Variants in HDAC4 observed in about 807,000 individuals in gnomAD.
The protein encoded by HDAC4 is histone deacetylase 4, also known as histone deacetylase A.
Under a neutral mutation model 135.1 loss-of-function variants are expected in HDAC4, and 16 were observed. The ratio of observed to expected loss-of-function variants is 0.12; its 90% CI spans 0.08 to 0.18. The LOEUF is 0.18. HDAC4 is among the 10% of genes least tolerant of loss of function. The pLI is 1.00. For synonymous variants in HDAC4, 685 were observed against 653.4 expected (o/e 1.05, Z -0.74); for missense variants, 1,143 against 1,511.8 (o/e 0.76, Z 4.05).
At position 239,111,644 on chromosome 2, in the gene HDAC4, G is replaced by C. The variant is rs745970857; in HGVS notation, c.1860C>G (p.Ala620=). Residue 620 remains alanine (A), a synonymous_variant, in exon 14 of 27, where the codon GCC becomes GCG. Coordinates refer to ENST00000543185, the MANE Select transcript of HDAC4 (RefSeq NM_001378414.1). ...LRNYQASMEA[A]GIPVSFGGHR... is the part of the protein sequence containing the mutation. ...GGCCGCCGAAGGACACGGGGATGCC[G>C]GCGGCCTCCATGGACGCCTGGTAGT... is the stretch of plus-strand genomic sequence containing the variant. The C allele has an allele frequency of 6.2e-7, 1 of 1,607,792 alleles. No individual in the cohort carries two copies. Among genetic ancestry groups the C allele is most frequent in the Non-Finnish European group, 8.5e-7 (1 of 1,177,890 alleles).
Position 239,236,626 on chromosome 2 carries a change from T to C in HDAC4, c.61A>G (p.Asn21Asp). The C allele has an allele frequency of 6.4e-7, 1 of 1,551,770 alleles. No individual in the cohort carries two copies. Residue 21 changes from asparagine (N) to aspartate (D), a missense_variant, in exon 3 of 27, where the codon AAT becomes GAT. Asn to Asp is a conservative substitution (Grantham distance 23). Around this residue, in one of 9 missense-constraint regions of HDAC4, gnomAD observed 247 missense variants for 310.0 expected, o/e 0.80. Coordinates refer to ENST00000543185, the MANE Select transcript of HDAC4 (RefSeq NM_001378414.1). The part of the protein sequence containing the change: ...SGRDQPVELL[N>D]PARVNHMPST... ...GGCATGTGGTTCACGCGGGCAGGAT[T>C]CAGCAGCTCCACTGGCTGGTCTCGG...
At chr2:239,191,060 C>A in intron 3 of HDAC4, 1 of 455,884 alleles carries the variant, frequency 2.2e-6, no homozygotes. Context: ...GAAAACTTCA[C>A]TGAGAGTCCA....
chr2:239,147,643 A>G (rs2041852416), intron 7 of HDAC4, among the ~76,000 whole-genome samples: 1 of 152,250 alleles, frequency 6.6e-6, no homozygotes, highest in Non-Finnish European at 1.5e-5. Flanking sequence ...GACAGAACCA[A>G]AGCATCAGGC....
At chr2:239,089,781 G>T in intron 18 of HDAC4, 43 of 470,714 alleles carry the variant, frequency 9.1e-5, no homozygotes, top group Non-Finnish European at 1.2e-4. Flanking sequence ...GGGTTCTTAA[G>T]ACCCAAATCA....
intron 2 of HDAC4, among the ~76,000 whole-genome samples, chr2:239,346,926 C>T (rs1692740599): frequency 6.6e-6 from 1 of 151,218 alleles, no homozygotes; most frequent in Non-Finnish European, 1.5e-5. Flanking sequence ...GTCTAAAACA[C>T]ACACACACCC....
chr2:239,134,694 A>G, intron 9 of HDAC4, 51 bp from the exon 10 acceptor site: 1 of 1,333,638 alleles, frequency 7.5e-7, no homozygotes, highest in Non-Finnish European at 1.1e-6. Context: ...GCCAAACATC[A>G]GCAATATACA....
At chr2:239,082,072 C>A (rs377524427) in intron 21 of HDAC4, 30 bp downstream of exon 21, 28 of 1,612,750 alleles carry the variant, frequency 1.7e-5, no homozygotes, top group Admixed American at 6.7e-5. Flanking sequence ...TCCCCCTTTC[C>A]CCCCAGAGGC....
intron 2 of HDAC4, among the ~76,000 whole-genome samples, chr2:239,265,654 G>C (rs2049677506): frequency 6.6e-6 from 1 of 152,208 alleles, no homozygotes; most frequent in Admixed American, 6.5e-5. Flanking sequence ...TGCTCACCAG[G>C]CCACAGCGCC....
chr2:239,212,988 C>T (rs950244443), intron 3 of HDAC4, among the ~76,000 whole-genome samples: 1 of 152,222 alleles, frequency 6.6e-6, no homozygotes, highest in East Asian at 1.9e-4. Flanking sequence ...AGCCTCTGTA[C>T]CCACGTGGGT....
intron 2 of HDAC4, among the ~76,000 whole-genome samples, chr2:239,270,488 T>C (rs567224698): frequency 5.3e-5 from 8 of 152,140 alleles, no homozygotes; most frequent in East Asian, 1.9e-4. Flanking sequence ...AATGAGGCGA[T>C]AGAGAAAAAG....
intron 2 of HDAC4, among the ~76,000 whole-genome samples, chr2:239,271,133 G>C (rs1305744101): frequency 6.6e-6 from 1 of 152,110 alleles, no homozygotes; most frequent in Non-Finnish European, 1.5e-5. Flanking sequence ...TGTTTTTTGA[G>C]ACAGGGTCTT....
chr2:239,173,489 G>C (rs78680614), intron 5 of HDAC4, among the ~76,000 whole-genome samples: 1 of 152,100 alleles, frequency 6.6e-6, no homozygotes, highest in Non-Finnish European at 1.5e-5. Context: ...AACAAGGAAT[G>C]GAAGGGAAAC....
intron 24 of HDAC4, among the ~76,000 whole-genome samples, chr2:239,058,774 C>T (rs988460334): frequency 2.6e-5 from 4 of 152,222 alleles, no homozygotes; most frequent in African/African-American, 4.8e-5. Flanking sequence ...GTCCCACCAT[C>T]GTGGGAGACT....
At chr2:239,338,469 CT>C (rs1344860538) in intron 2 of HDAC4, among the ~76,000 whole-genome samples, 1 of 152,168 alleles carries the variant, frequency 6.6e-6, no homozygotes, top group East Asian at 1.9e-4. Flanking sequence ...GTCCAACCCC[CT>C]AGTGCAAACA....
At chr2:239,340,943 C>T (rs1439542883) in intron 2 of HDAC4, among the ~76,000 whole-genome samples, 6 of 152,190 alleles carry the variant, frequency 3.9e-5, no homozygotes, top group Admixed American at 1.3e-4. Flanking sequence ...GCAGCACCCA[C>T]TAAACATCTC....
In HDAC4 at chr2:239,064,570, A is replaced by C. The variant is rs149518514; in HGVS notation, c.3003+2152T>G. 1.7e-3 allele frequency among the ~76,000 whole-genome samples: 265 copies of C among 152,306 alleles called. 2 individuals carry two copies. The highest frequency in any genetic ancestry group is 6.0e-3 in the African/African-American group (249 of 41,572). ...AAGGTGGGGGTCTTGACTGCTCACA[A>C]TAAGACCCTGCTCTCAAGAGCAGAC... On this transcript the variant is annotated intron_variant, in intron 24 of 26. Coordinates refer to ENST00000543185, the MANE Select transcript of HDAC4 (RefSeq NM_001378414.1).
intron 24 of HDAC4, among the ~76,000 whole-genome samples, chr2:239,062,906 C>T (rs933168757): frequency 6.6e-6 from 1 of 152,216 alleles, no homozygotes; most frequent in African/African-American, 2.4e-5. Context: ...CTGCCCATGT[C>T]CCCTCTCGGC....
intron 2 of HDAC4, among the ~76,000 whole-genome samples, chr2:239,286,241 A>G (rs1415156612): frequency 6.6e-6 from 1 of 152,250 alleles, no homozygotes; most frequent in Non-Finnish European, 1.5e-5. Flanking sequence ...GGAAAAGAAC[A>G]AAGTAGACTT....
chr2:239,173,958 A>G (rs2043601932), intron 5 of HDAC4, among the ~76,000 whole-genome samples: 1 of 152,212 alleles, frequency 6.6e-6, no homozygotes, highest in Non-Finnish European at 1.5e-5. Flanking sequence ...CTATTAAGAA[A>G]TTATTAAGAA....
Sources: allele counts gnomAD v4.1 joint callset (sites outside exome capture counted in the v4.1 genomes callset), GRCh38; gene constraint gnomAD v4.1.1; regional missense constraint gnomAD v4.1.1; transcripts MANE v1.5; gene names NCBI Gene and HGNC (gene_info 2026-07-23, HGNC 2026-07-21).